Variants in MDM4 observed in about 807,000 individuals in gnomAD.
The protein encoded by MDM4 is protein Mdm4.
A neutral mutation model predicts 60.2 loss-of-function variants in MDM4; 2 were observed. That is an observed-to-expected ratio of 0.03 (90% CI 0.01 to 0.10). MDM4 has a LOEUF of 0.10. Among genes scored for constraint, MDM4 ranks in the 10% least tolerant of loss-of-function variants. The probability of loss-of-function intolerance (pLI) is 1.00; values close to 1 mark genes in which losing one functional copy is unlikely to be tolerated. For missense variants in MDM4, 447 were observed against 577.5 expected (o/e 0.77, Z 2.32); for synonymous variants, 202 against 198.1 (o/e 1.02, Z -0.17).
In MDM4 at chr1:204,550,564, G is replaced by GTT. The variant is rs11285873; in HGVS notation, c.*896_*897dup. ...TTGCATATTATATATGTGCTTTAAA[G>GTT]TTTTTTTTTTTTTTTGAGAGACGGT... On this transcript the variant is annotated 3_prime_UTR_variant, in exon 11 of 11. Transcript: ENST00000367182. The GTT allele has an allele frequency of 8.7e-5, 14 of 160,060 alleles. No homozygotes were observed. The highest frequency in any genetic ancestry group is 4.5e-4 in the East Asian group (4 of 8,826). 9.9% of individuals were successfully genotyped at this position (160,060 alleles called of 1,614,324 possible).
At chr1:204,529,409 T>C (rs1660613185) in intron 3 of MDM4, 2 of 1,279,296 alleles carry the variant, frequency 1.6e-6, no homozygotes, top group Non-Finnish European at 2.3e-6. Context: ...CGTAGGAATT[T>C]GGAGGTGGCT....
chr1:204,522,697 G>A (rs181927478), intron 1 of MDM4, among the ~76,000 whole-genome samples: 19 of 152,198 alleles, frequency 1.2e-4, no homozygotes, highest in Non-Finnish European at 2.4e-4. Context: ...GAGCCACCAT[G>A]CCTGGCCCAC....
At chr1:204,531,953 A>G (rs1043550342) in intron 4 of MDM4, among the ~76,000 whole-genome samples, 4 of 152,262 alleles carry the variant, frequency 2.6e-5, no homozygotes, top group Non-Finnish European at 5.9e-5. Context: ...CGCTAATGAA[A>G]TAAAATGTAA....
At chr1:204,546,612 A>G (rs1572521435) in intron 9 of MDM4, among the ~76,000 whole-genome samples, 185 bp from the exon 10 acceptor site, 1 of 152,206 alleles carries the variant, frequency 6.6e-6, no homozygotes, top group Non-Finnish European at 1.5e-5. Context: ...TTGTGCTACT[A>G]CTGAAATGCC....
chr1:204,540,457 C>T (rs893316868), intron 7 of MDM4, among the ~76,000 whole-genome samples: 1 of 151,922 alleles, frequency 6.6e-6, no homozygotes, highest in African/African-American at 2.4e-5. Flanking sequence ...ATATTTTCCC[C>T]AAAACTCTAA....
intron 2 of MDM4, 113 bp from the exon 3 acceptor site, chr1:204,526,247 C>T: frequency 1.2e-6 from 1 of 827,760 alleles, no homozygotes; most frequent in Non-Finnish European, 2.0e-6. Flanking sequence ...CAGAGCAAGA[C>T]CTTGCCTCAA....
chr1:204,545,360 T>C (rs112592498), intron 9 of MDM4, among the ~76,000 whole-genome samples: 2 of 152,168 alleles, frequency 1.3e-5, no homozygotes, highest in Non-Finnish European at 2.9e-5. Context: ...TATGTACTCA[T>C]GAAGTACTCA....
At chr1:204,535,157 CTTTT>C (rs869147485) in intron 5 of MDM4, among the ~76,000 whole-genome samples, 3 of 130,140 alleles carry the variant, frequency 2.3e-5, no homozygotes, top group Admixed American at 7.7e-5. Context: ...AATGGTAGTT[CTTTT>C]TTTTTTTTTT....
chr1:204,537,966 C>G (rs1661588075), intron 6 of MDM4: 1 of 733,720 alleles, frequency 1.4e-6, no homozygotes, highest in African/African-American at 1.7e-5. Flanking sequence ...CTGTTTTTAA[C>G]AGTAGATTTT....
At chr1:204,530,162 C>G (rs1005827766) in intron 3 of MDM4, among the ~76,000 whole-genome samples, 2 of 152,200 alleles carry the variant, frequency 1.3e-5, no homozygotes, top group African/African-American at 4.8e-5. Flanking sequence ...AGGTGTGAAC[C>G]ACTTCAGCCG....
intron 9 of MDM4, among the ~76,000 whole-genome samples, chr1:204,546,091 A>C (rs567676980): frequency 6.6e-6 from 1 of 152,180 alleles, no homozygotes; most frequent in Non-Finnish European, 1.5e-5. Flanking sequence ...TCACTTTTGA[A>C]AGTGAAAAGT....
rs1203792339 is a variant in MDM4 at position 204,551,495 on chromosome 1, G to A, written c.*1813G>A. On this transcript the variant is annotated 3_prime_UTR_variant, in exon 11 of 11. Coordinates refer to ENST00000367182, the MANE Select transcript of MDM4 (RefSeq NM_002393.5). ...TTTTTTTTTTTTTTTTTTTTTGGAG[G>A]ATAGGGAGTATGGCTGTTGTGAAAA... The A allele has an allele frequency of 5.7e-6, 1 of 175,738 alleles. No individual in the cohort carries two copies. Among genetic ancestry groups the A allele is most frequent in the Non-Finnish European group, 1.0e-5 (1 of 99,894 alleles). The allele number at this position is 175,738 out of a possible 1,614,324, so 10.9% of individuals were successfully genotyped here. A position where few individuals can be genotyped will look rare whatever the true frequency, so the allele number is the denominator to read the frequency against.
Position 204,546,328 on chromosome 1 carries a change from A to G in MDM4, c.823-469A>G, listed in dbSNP as rs569740373. Among the ~76,000 whole-genome samples the G allele has an allele frequency of 1.4e-4, 22 of 152,218 alleles. No individual in the cohort carries two copies. In the East Asian group the frequency reaches 4.2e-3, roughly 29 times the overall value. On this transcript the variant is annotated intron_variant, in intron 9 of 10. Coordinates refer to ENST00000367182, the MANE Select transcript of MDM4 (RefSeq NM_002393.5). ...AGCGATTCTCTTGTCTCAGCCCCCA[A>G]GTAACTGGGACTACAGGCGTGCACC...
chr1:204,532,886 G>T, intron 5 of MDM4: 1 of 1,557,582 alleles, frequency 6.4e-7, no homozygotes, highest in South Asian at 1.2e-5. Flanking sequence ...GGTAGTGCTT[G>T]AATAAATTCA....
Position 204,522,829 on chromosome 1 carries a change from C to T in MDM4, c.-35-2655C>T, listed in dbSNP as rs376656513. ...AAGCCTTTTCAGAAGCATGAGGGAT[C>T]TTGTTATCTTCAGCCAGTGTATTTA... On this transcript the variant is annotated intron_variant, in intron 1 of 10. Coordinates refer to ENST00000367182, the MANE Select transcript of MDM4 (RefSeq NM_002393.5). Among the ~76,000 whole-genome samples the T allele has an allele frequency of 7.3e-4, 110 of 150,112 alleles. 1 individual carries two copies. Among genetic ancestry groups the T allele is most frequent in the Middle Eastern group, 7.2e-3 (2 of 278 alleles).
At chr1:204,537,566 G>A in intron 6 of MDM4, 69 bp downstream of exon 6, 1 of 1,075,424 alleles carries the variant, frequency 9.3e-7, no homozygotes, top group Non-Finnish European at 1.4e-6. Context: ...ATGGATCTTG[G>A]ACTCCCAAGA....
At chr1:204,528,976 C>A (rs1379753582) in intron 3 of MDM4, 6 of 1,542,288 alleles carry the variant, frequency 3.9e-6, no homozygotes, top group Non-Finnish European at 5.4e-6. Context: ...ATGAAGCAAT[C>A]AAGCTGTCTG....
At chr1:204,526,162 G>A (rs543684371) in intron 2 of MDM4, among the ~76,000 whole-genome samples, 198 bp from the exon 3 acceptor site, 57 of 152,232 alleles carry the variant, frequency 3.7e-4, no homozygotes, top group South Asian at 8.3e-4. Flanking sequence ...AGGCTGAAGT[G>A]GGAGGATCAG....
At chr1:204,540,944 G>A (rs1662009967) in intron 7 of MDM4, among the ~76,000 whole-genome samples, 1 of 152,132 alleles carries the variant, frequency 6.6e-6, no homozygotes, top group Admixed American at 6.5e-5. Flanking sequence ...TTTGGCTGCT[G>A]AAGTTATTTT....
Sources: gnomAD v4.1 joint callset for allele counts (sites outside exome capture counted in the v4.1 genomes callset) on GRCh38, gnomAD v4.1.1 for gene constraint, MANE v1.5 for transcripts, NCBI Gene and HGNC (gene_info 2026-07-23, HGNC 2026-07-21) for gene names.